CSMD1: variants seen among roughly 807,000 people sequenced by gnomAD.
CSMD1 encodes CUB and Sushi multiple domains 1.
In CSMD1, 213 loss-of-function variants were observed where a neutral mutation model predicts 417.5. That is an observed-to-expected ratio of 0.51 (90% CI 0.46 to 0.57). The LOEUF is 0.57. Ranked by LOEUF, CSMD1 falls within the 20% of genes least tolerant of loss-of-function variation. The pLI is 0.00. For synonymous variants in CSMD1, 2,862 were observed against 1,736.8 expected, an observed-to-expected ratio of 1.65 and a Z score of -16.11; for missense variants, 6,923 against 4,529.7, an observed-to-expected ratio of 1.53 and a Z score of -15.17.
At chr8:4,092,462 T>A (rs1800771362) in intron 3 of CSMD1, among the ~76,000 whole-genome samples, 2 of 152,220 alleles carry the variant, frequency 1.3e-5, no homozygotes, top group Non-Finnish European at 2.9e-5. Context: ...GACACTCTTA[T>A]CTTTGGTAAA....
chr8:4,628,185 T>G lies in CSMD1; in HGVS notation c.302+9157A>C, dbSNP rs149861584. Among the ~76,000 whole-genome samples, 549 of 151,650 alleles carry G rather than the reference T, an allele frequency of 3.6e-3. 6 individuals are homozygous for G. The highest frequency in any genetic ancestry group is 0.013 in the African/African-American group (529 of 41,396). ...AACTGAATGATTTTTAAAATTTTTC[T>G]TGCAGTTCTATGTTAACATTTTCTT... On this transcript the variant is annotated intron_variant, in intron 2 of 69. Coordinates refer to ENST00000635120, the MANE Select transcript of CSMD1 (RefSeq NM_033225.6).
At chr8:3,474,548 T>A (rs1563073319) in intron 11 of CSMD1, among the ~76,000 whole-genome samples, 1 of 152,220 alleles carries the variant, frequency 6.6e-6, no homozygotes, top group Non-Finnish European at 1.5e-5. Context: ...CACATTTACT[T>A]AAATGTTTAA....
intron 3 of CSMD1, among the ~76,000 whole-genome samples, chr8:4,070,612 C>A (rs1454108124): frequency 1.3e-5 from 2 of 152,160 alleles, no homozygotes; most frequent in African/African-American, 2.4e-5. Flanking sequence ...CCACCTCGGC[C>A]TCCCAAAGTG....
intron 3 of CSMD1, among the ~76,000 whole-genome samples, chr8:4,156,088 G>C (rs1034775770): frequency 2.0e-5 from 3 of 152,142 alleles, no homozygotes; most frequent in Non-Finnish European, 2.9e-5. Context: ...GCTGGCTGGA[G>C]TTATCAGAGC....
intron 49 of CSMD1, among the ~76,000 whole-genome samples, chr8:3,083,003 G>C (rs1814219598): frequency 6.6e-6 from 1 of 152,048 alleles, no homozygotes; most frequent in Admixed American, 6.6e-5. Context: ...AATTTAGCTG[G>C]GGTTTTTGAA....
intron 12 of CSMD1, among the ~76,000 whole-genome samples, chr8:3,447,108 G>T (rs1179582889): frequency 1.3e-5 from 2 of 152,118 alleles, no homozygotes; most frequent in Admixed American, 6.6e-5. Context: ...TTAATAAAAG[G>T]ATTAAGAAAA....
chr8:4,010,455 C>T (rs549055799), intron 4 of CSMD1, among the ~76,000 whole-genome samples: 1 of 152,142 alleles, frequency 6.6e-6, no homozygotes, highest in African/African-American at 2.4e-5. Flanking sequence ...CTGGGAAAAA[C>T]ATAACCTCTT....
chr8:3,119,890 G>C (rs1274914608), intron 41 of CSMD1, among the ~76,000 whole-genome samples: 3 of 152,252 alleles, frequency 2.0e-5, no homozygotes, highest in South Asian at 2.1e-4. Context: ...AATAGCATGA[G>C]GTCACCGGTC....
At chr8:4,901,064 A>G (rs1314260364) in intron 1 of CSMD1, among the ~76,000 whole-genome samples, 1 of 152,260 alleles carries the variant, frequency 6.6e-6, no homozygotes, top group African/African-American at 2.4e-5. Context: ...GAGATTACAC[A>G]GAGTTGAAGC....
At chr8:3,702,499 A>G (rs1479157842) in intron 7 of CSMD1, among the ~76,000 whole-genome samples, 1 of 152,228 alleles carries the variant, frequency 6.6e-6, no homozygotes, top group Non-Finnish European at 1.5e-5. Flanking sequence ...TGCTCAGAAG[A>G]AGAAGAAGAA....
In CSMD1 at chr8:3,538,234, T is replaced by C. The variant is rs1368019030; in HGVS notation, c.1344+36711A>G. Reference sequence around the variant, plus strand: ...ACCATCAGCTGGAACTGAGTAGCAATGGCACACCTGAGATGCCTCACCTGA... The same window carrying C: ...ACCATCAGCTGGAACTGAGTAGCAACGGCACACCTGAGATGCCTCACCTGA... On this transcript the variant is annotated intron_variant, in intron 10 of 69. Coordinates refer to ENST00000635120, the MANE Select transcript of CSMD1 (RefSeq NM_033225.6). 5.9e-5 allele frequency among the ~76,000 whole-genome samples: 9 copies of C among 152,372 alleles called. No homozygotes were observed. The East Asian group carries it at 1.2e-3, about 20-fold the overall frequency.
At chr8:3,490,301 C>G (rs947673777) in intron 11 of CSMD1, among the ~76,000 whole-genome samples, 2 of 152,108 alleles carry the variant, frequency 1.3e-5, no homozygotes, top group Non-Finnish European at 2.9e-5. Flanking sequence ...AGAGAAGGCG[C>G]TAATAACACT....
rs538569210 is a variant in CSMD1, at chr8:4,672,778, C to T, written c.86-35220G>A. 2.9e-3 allele frequency among the ~76,000 whole-genome samples: 434 copies of T among 152,194 alleles called. 1 individual carries two copies. Among genetic ancestry groups the T allele is most frequent in the Middle Eastern group, 0.014 (4 of 294 alleles). Reference sequence around the variant, plus strand: ...ACCCAGTCACATGCATACATGGTGACATGACACACATACTTACACTCACAT... The same window carrying T: ...ACCCAGTCACATGCATACATGGTGATATGACACACATACTTACACTCACAT... On this transcript the variant is annotated intron_variant, in intron 1 of 69. Transcript: ENST00000635120.
At chr8:4,578,622 C>T (rs1170334148) in intron 2 of CSMD1, among the ~76,000 whole-genome samples, 1 of 150,956 alleles carries the variant, frequency 6.6e-6, no homozygotes, top group Non-Finnish European at 1.5e-5. Context: ...CAAGATCAGC[C>T]TGGCCAACAT....
At chr8:3,668,934 C>T (rs759446344) in intron 7 of CSMD1, among the ~76,000 whole-genome samples, 29 of 152,110 alleles carry the variant, frequency 1.9e-4, no homozygotes, top group Non-Finnish European at 3.4e-4. Context: ...CTTTGAGAGG[C>T]GTGACAGAAA....
intron 3 of CSMD1, among the ~76,000 whole-genome samples, chr8:4,192,449 G>A (rs1005710723): frequency 2.0e-5 from 3 of 151,994 alleles, no homozygotes; most frequent in African/African-American, 7.2e-5. Flanking sequence ...CCTCTGTGTG[G>A]CTCTCCGTGA....
At chr8:3,736,406 G>A (rs972486368) in intron 6 of CSMD1, among the ~76,000 whole-genome samples, 7 of 151,008 alleles carry the variant, frequency 4.6e-5, no homozygotes, top group South Asian at 2.1e-4. Flanking sequence ...ACCATGCATG[G>A]CTAATGTAAA....
chr8:4,187,794 T>C (rs1047522187), intron 3 of CSMD1, among the ~76,000 whole-genome samples: 1 of 150,918 alleles, frequency 6.6e-6, no homozygotes, highest in Non-Finnish European at 1.5e-5. Context: ...AATAGGCAGG[T>C]ATTATTATTA....
At chr8:4,851,732 A>T (rs144348742) in intron 1 of CSMD1, among the ~76,000 whole-genome samples, 3 of 152,260 alleles carry the variant, frequency 2.0e-5, no homozygotes, top group African/African-American at 7.2e-5. Context: ...CAAGAACCTT[A>T]AGACTTCTTC....
Sources: gnomAD v4.1 joint callset for allele counts (sites outside exome capture counted in the v4.1 genomes callset) on GRCh38, gnomAD v4.1.1 for gene constraint, MANE v1.5 for transcripts, NCBI Gene and HGNC (gene_info 2026-07-23, HGNC 2026-07-21) for gene names.